The following CLEC16A variants were observed in gnomAD, a reference collection of about 807,000 sequenced individuals.
CLEC16A encodes the protein protein CLEC16A.
Under a neutral mutation model 109.5 loss-of-function variants are expected in CLEC16A, and 51 were observed. The observed-to-expected ratio is 0.47, with a 90% CI of 0.37 to 0.59. The LOEUF (loss-of-function observed/expected upper bound fraction) is 0.59. CLEC16A is among the 20% of genes least tolerant of loss of function. The pLI, the probability that CLEC16A is intolerant of heterozygous loss-of-function variation, is 0.00. For missense variants in CLEC16A, 1,339 were observed against 1,394.0 expected (o/e 0.96, Z 0.63); for synonymous variants, 673 against 564.2 (o/e 1.19, Z -2.73).
At chr16:11,165,799 G>A (rs888067595) in intron 22 of CLEC16A, among the ~76,000 whole-genome samples, 19 of 152,168 alleles carry the variant, frequency 1.2e-4, no homozygotes, top group Non-Finnish European at 2.9e-5. Context: ...CGGAGATGCT[G>A]AGGGCCATTT....
chr16:11,164,395 G>A (rs375539099), intron 22 of CLEC16A, among the ~76,000 whole-genome samples: 12 of 152,192 alleles, frequency 7.9e-5, no homozygotes, highest in East Asian at 5.8e-4. Context: ...GAACCTGAGT[G>A]GAAATAGCCC....
At chr16:11,126,602 G>A (rs2052838258) in intron 22 of CLEC16A, 1 of 314,484 alleles carries the variant, frequency 3.2e-6, no homozygotes. Flanking sequence ...CCATATGAGG[G>A]CGTCTCCTCC....
At chr16:10,967,059 T>C (rs1456484658) in intron 3 of CLEC16A, among the ~76,000 whole-genome samples, 1 of 152,192 alleles carries the variant, frequency 6.6e-6, no homozygotes. Flanking sequence ...AGTAGTGTTA[T>C]GAGCAGGCGA....
At position 11,174,002 on chromosome 16, in the gene CLEC16A, C is replaced by T. The variant is rs1375855244; in HGVS notation, c.2807-4333C>T. On this transcript the variant is annotated intron_variant, in intron 23 of 23. Coordinates refer to ENST00000409790, the MANE Select transcript of CLEC16A (RefSeq NM_015226.3). This position sits in a 1 kb window ranked among gnomAD's most constrained non-coding sequence, Gnocchi z 4.7. Reference sequence around the variant, plus strand: ...CATGGGGGGCCAGCGCCCCATGCACCGGTGGCCACAAGCCCATGCTGGGCA... The same window carrying T: ...CATGGGGGGCCAGCGCCCCATGCACTGGTGGCCACAAGCCCATGCTGGGCA... 2.0e-5 allele frequency among the ~76,000 whole-genome samples: 3 copies of T among 152,164 alleles called. No homozygotes were observed. Among genetic ancestry groups the T allele is most frequent in the African/African-American group, 4.8e-5 (2 of 41,428 alleles).
At chr16:11,031,731 G>T (rs1567219845) in intron 13 of CLEC16A, among the ~76,000 whole-genome samples, 1 of 152,176 alleles carries the variant, frequency 6.6e-6, no homozygotes, top group Non-Finnish European at 1.5e-5. Flanking sequence ...TAGTAACCAA[G>T]TAAAATAATC....
At chr16:11,035,479 C>G (rs2046969107) in intron 13 of CLEC16A, among the ~76,000 whole-genome samples, 1 of 150,850 alleles carries the variant, frequency 6.6e-6, no homozygotes, top group African/African-American at 2.4e-5. Context: ...GAGCGTTAAC[C>G]AGCGGGGATC....
At chr16:11,006,725 A>G (rs554158343) in intron 11 of CLEC16A, among the ~76,000 whole-genome samples, 2 of 152,158 alleles carry the variant, frequency 1.3e-5, no homozygotes, top group African/African-American at 2.4e-5. Context: ...TGTTGTTGTT[A>G]TTTTTTATAA....
intron 23 of CLEC16A, among the ~76,000 whole-genome samples, chr16:11,172,225 T>G (rs974201944): frequency 3.9e-5 from 6 of 152,058 alleles, no homozygotes; most frequent in African/African-American, 9.7e-5. Context: ...TTCACATACA[T>G]GCACACACTC....
intron 1 of CLEC16A, among the ~76,000 whole-genome samples, chr16:10,953,697 C>A (rs1186944119): frequency 1.3e-5 from 2 of 152,306 alleles, no homozygotes; most frequent in East Asian, 3.9e-4. Context: ...AATGGGCAGG[C>A]TAGGCGCGGT....
chr16:11,155,826 A>C (rs1011431298), intron 22 of CLEC16A, among the ~76,000 whole-genome samples: 1 of 152,162 alleles, frequency 6.6e-6, no homozygotes, highest in Non-Finnish European at 1.5e-5. Flanking sequence ...ACACAAGCAA[A>C]TGGAATGGGT....
intron 13 of CLEC16A, among the ~76,000 whole-genome samples, chr16:11,025,352 G>A (rs2046349999): frequency 6.6e-6 from 1 of 152,194 alleles, no homozygotes; most frequent in African/African-American, 2.4e-5. Context: ...GACCCTGGGT[G>A]GACTTGGTGG....
At chr16:11,036,631 C>A (rs945516206) in intron 13 of CLEC16A, among the ~76,000 whole-genome samples, 1 of 150,258 alleles carries the variant, frequency 6.7e-6, no homozygotes, top group Non-Finnish European at 1.5e-5. Context: ...CCCACTGCAA[C>A]CTCCGCCTCC....
intron 8 of CLEC16A, 125 bp downstream of exon 8, chr16:10,977,524 G>A: frequency 1.1e-6 from 1 of 927,930 alleles, no homozygotes; most frequent in Non-Finnish European, 1.6e-6. Context: ...TTGTTTGTTT[G>A]TTTTTAAAAG....
intron 19 of CLEC16A, among the ~76,000 whole-genome samples, chr16:11,100,670 C>T (rs1445588225): frequency 6.6e-6 from 1 of 152,182 alleles, no homozygotes; most frequent in African/African-American, 2.4e-5. Context: ...TCTCAGCTTT[C>T]TCATGTGTAA....
chr16:11,084,237 T>G (rs935835976), intron 19 of CLEC16A, among the ~76,000 whole-genome samples: 18 of 152,104 alleles, frequency 1.2e-4, no homozygotes, highest in African/African-American at 4.1e-4. Context: ...CCTTCAACTC[T>G]GCAGACAGCT....
chr16:11,163,153 A>G (rs2054786016), intron 22 of CLEC16A, among the ~76,000 whole-genome samples: 1 of 152,206 alleles, frequency 6.6e-6, no homozygotes, highest in Admixed American at 6.5e-5. Context: ...CCTGACTGGG[A>G]TGAAGCAGGA....
chr16:11,063,961 G>A (rs1239250046), intron 19 of CLEC16A, among the ~76,000 whole-genome samples: 4 of 151,624 alleles, frequency 2.6e-5, no homozygotes, highest in Non-Finnish European at 4.4e-5. Flanking sequence ...GGAAGTTGAA[G>A]GGAAGGAGGG....
At chr16:11,019,061 G>A (rs915107980) in intron 11 of CLEC16A, among the ~76,000 whole-genome samples, 1 of 152,154 alleles carries the variant, frequency 6.6e-6, no homozygotes, top group African/African-American at 2.4e-5. Flanking sequence ...TGGCAGAGGC[G>A]GTGTCTGAGC....
At chr16:11,047,965 G>T (rs569025555) in intron 17 of CLEC16A, 2 of 152,326 alleles carry the variant, frequency 1.3e-5, no homozygotes, top group African/African-American at 4.8e-5. Context: ...AACAGTATAA[G>T]GGAAACTGCT....
Sources: allele counts gnomAD v4.1 joint callset (sites outside exome capture counted in the v4.1 genomes callset), GRCh38; gene constraint gnomAD v4.1.1; non-coding constraint Gnocchi (gnomAD v3.1); transcripts MANE v1.5; gene names NCBI Gene and HGNC (gene_info 2026-07-23, HGNC 2026-07-21).